ZNF607: variants seen among roughly 807,000 people sequenced by gnomAD.
The protein encoded by ZNF607 is zinc finger protein 607.
Under a neutral mutation model 12.8 loss-of-function variants are expected in ZNF607, and 5 were observed. The observed-to-expected ratio is 0.39, with a 90% CI of 0.20 to 0.82. The LOEUF (loss-of-function observed/expected upper bound fraction) is 0.82. Ranked by LOEUF, ZNF607 falls within the 40% of genes least tolerant of loss-of-function variation. ZNF607 has a pLI of 0.39. For synonymous variants in ZNF607, 287 were observed against 276.2 expected, an observed-to-expected ratio of 1.04 and a Z score of -0.39; for missense variants, 851 against 859.2, an observed-to-expected ratio of 0.99 and a Z score of 0.12.
chr19:37,702,973 A>G (rs1489532266), intron 4 of ZNF607, among the ~76,000 whole-genome samples: 4 of 150,792 alleles, frequency 2.7e-5, no homozygotes, highest in African/African-American at 9.7e-5. Flanking sequence ...TTTTTTTGAG[A>G]TGGAGTTTCG....
In ZNF607 at chr19:37,717,560, C is replaced by T. The variant is rs1359258729; in HGVS notation, c.-75+1709G>A. ...CCTGTAATCCCAACACTTTGGGAGG[C>T]CAAGGTGGGTGGATCACCTGAGGTT... On this transcript the variant is annotated intron_variant, in intron 1 of 4. Coordinates refer to ENST00000355202, the MANE Select transcript of ZNF607 (RefSeq NM_032689.5). Among the ~76,000 whole-genome samples, 12 of 150,840 alleles carry T rather than the reference C, an allele frequency of 8.0e-5. No homozygotes were observed. The East Asian group carries it at 9.9e-4, about 12-fold the overall frequency.
At position 37,698,348 on chromosome 19, in the gene ZNF607, C is replaced by T. The variant is rs780484385; in HGVS notation, c.1783G>A (p.Gly595Arg). ...TGTGAAGCATGACTAAAAGTTTCCC[C>T]ACATTCTTTACATTCATAGGACTTT... is the stretch of plus-strand genomic sequence containing the variant. ...GEKSYECKEC[G>R]ETFSHASHLI... is the part of the protein sequence containing the mutation. The change falls in exon 5 of 5, where the codon GGG becomes AGG. Residue 595 changes from glycine to arginine, a missense_variant. Coordinates refer to ENST00000355202, the MANE Select transcript of ZNF607 (RefSeq NM_032689.5). 6.2e-7 allele frequency: 1 copy of T among 1,613,948 alleles called. No individual in the cohort carries two copies. The highest frequency in any genetic ancestry group is 1.7e-5 in the Admixed American group (1 of 59,986).
chr19:37,708,564 T>A (rs1181736520), intron 3 of ZNF607, among the ~76,000 whole-genome samples: 1 of 150,890 alleles, frequency 6.6e-6, no homozygotes, highest in African/African-American at 2.4e-5. Flanking sequence ...AAACACATAC[T>A]CTAAAGCCTG....
chr19:37,714,678 G>A (rs2045161415), intron 1 of ZNF607, among the ~76,000 whole-genome samples: 1 of 151,932 alleles, frequency 6.6e-6, no homozygotes, highest in South Asian at 2.1e-4. Flanking sequence ...TGCCTTATGA[G>A]AGATGCTAAC....
Position 37,698,053 on chromosome 19 carries a change from C to T in ZNF607, c.2078G>A (p.Arg693Lys). The change falls in exon 5 of 5, where the codon AGA (arginine) becomes AAA (lysine). Residue 693 changes from arginine to lysine, a missense_variant. Physicochemically the swap from Arg to Lys is conservative, Grantham distance 26 (BLOSUM62 2). Coordinates refer to ENST00000355202, the MANE Select transcript of ZNF607 (RefSeq NM_032689.5). ...ACAATTTCTCTATCAAATATGAATT[C>T]TCTGATGTACTTCAAGGATGGATCT... Reference protein sequence around the residue: ...RLRSILEVHQRIHI With the variant: ...RLRSILEVHQKIHI The T allele has an allele frequency of 6.3e-7, 1 of 1,592,250 alleles. No homozygotes were observed. The highest frequency in any genetic ancestry group is 1.7e-4 in the Middle Eastern group (1 of 5,922).
chr19:37,718,752 C>A (rs967872959), intron 1 of ZNF607, among the ~76,000 whole-genome samples: 2 of 152,194 alleles, frequency 1.3e-5, no homozygotes, highest in Non-Finnish European at 2.9e-5. Flanking sequence ...CAGAAATAAT[C>A]CTGTTAGGTG....
intron 1 of ZNF607, among the ~76,000 whole-genome samples, chr19:37,713,914 A>C (rs1191032778): frequency 6.6e-6 from 1 of 152,220 alleles, no homozygotes; most frequent in Non-Finnish European, 1.5e-5. Context: ...TAAACATATT[A>C]TTCTCCGGAC....
chr19:37,699,933 A>C, intron 4 of ZNF607, 38 bp from the exon 5 acceptor site: 1 of 1,430,974 alleles, frequency 7.0e-7, no homozygotes, highest in Non-Finnish European at 9.3e-7. Flanking sequence ...ATTGGATGAG[A>C]AAATGTCAAT....
At chr19:37,715,914 C>A (rs1365379989) in intron 1 of ZNF607, among the ~76,000 whole-genome samples, 1 of 152,162 alleles carries the variant, frequency 6.6e-6, no homozygotes, top group South Asian at 2.1e-4. Flanking sequence ...TCTGCAGTAA[C>A]TTTGCATTTC....
chr19:37,708,935 T>G (rs1386281418), intron 3 of ZNF607, among the ~76,000 whole-genome samples: 1 of 151,844 alleles, frequency 6.6e-6, no homozygotes, highest in Non-Finnish European at 1.5e-5. Context: ...ACACTGCTGG[T>G]CAGTATTCTC....
intron 4 of ZNF607, among the ~76,000 whole-genome samples, chr19:37,704,764 T>C (rs2045066428): frequency 6.6e-6 from 1 of 152,200 alleles, no homozygotes; most frequent in Non-Finnish European, 1.5e-5. Flanking sequence ...GAGACCATCC[T>C]GGCTAACACG....
At position 37,698,300 on chromosome 19, in the gene ZNF607, G is replaced by A. The variant is rs1478368012; in HGVS notation, c.1831C>T (p.His611Tyr). Residue 611 changes from histidine (H) to tyrosine (Y), a missense_variant, in exon 5 of 5, where the codon CAT (histidine) becomes TAT (tyrosine). His to Tyr is a moderately conservative substitution (Grantham distance 83). Coordinates refer to ENST00000355202, the MANE Select transcript of ZNF607 (RefSeq NM_032689.5). ...ASHLIIHERI[H>Y]TSDKPYECKR... is the part of the protein sequence containing the mutation. ...CATTCATAGGGTTTATCACTGGTAT[G>A]AATTCTCTCATGAATAATAAGATGT... The A allele has an allele frequency of 3.1e-6, 5 of 1,614,012 alleles. No individual in the cohort carries two copies. Among genetic ancestry groups the A allele is most frequent in the Non-Finnish European group, 4.2e-6 (5 of 1,180,014 alleles).
chr19:37,705,852 C>T (rs2045078614), intron 4 of ZNF607, among the ~76,000 whole-genome samples: 1 of 152,046 alleles, frequency 6.6e-6, no homozygotes, highest in Non-Finnish European at 1.5e-5. Flanking sequence ...CTCTCTCTTT[C>T]TCTCTCTTTT....
At position 37,696,590 on chromosome 19, in the gene ZNF607, C is replaced by T; in HGVS notation, c.*1450G>A. The T allele has an allele frequency of 1.8e-6, 1 of 552,406 alleles. No individual in the cohort carries two copies. The highest frequency in any genetic ancestry group is 3.3e-6 in the Non-Finnish European group (1 of 302,602). 34.2% of individuals were successfully genotyped at this position (552,406 alleles called of 1,614,324 possible). A position where few individuals can be genotyped will look rare whatever the true frequency, so the allele number is the denominator to read the frequency against. Reference sequence around the variant, plus strand: ...ATCATCGGGGCTGTGGCCCAGTTGCCTCACGGAGGTGCAGGTAGGCTGGGG... The same window carrying T: ...ATCATCGGGGCTGTGGCCCAGTTGCTTCACGGAGGTGCAGGTAGGCTGGGG... On this transcript the variant is annotated 3_prime_UTR_variant, in exon 5 of 5. Transcript: ENST00000355202.
rs183521899 is a variant in ZNF607, at chr19:37,709,760, G to A, written c.72C>T (p.Ser24=). 6.2e-7 allele frequency: 1 copy of A among 1,614,100 alleles called. No individual in the cohort carries two copies. The highest frequency in any genetic ancestry group is 2.2e-5 in the East Asian group (1 of 44,884). The change falls in exon 3 of 5, where the codon AGC becomes AGT. Residue 24 remains serine, a synonymous_variant. Transcript: ENST00000355202. ...DFSHQEWEYL[S]LVQKTLYQEV... is the part of the protein sequence containing the mutation. ...CCTGGTACAAGGTCTTCTGAACCAG[G>A]CTGAGATATTCCCACTCCTGATGAG...
chr19:37,706,769 C>T (rs1441390974), intron 4 of ZNF607, among the ~76,000 whole-genome samples: 1 of 152,162 alleles, frequency 6.6e-6, no homozygotes, highest in Non-Finnish European at 1.5e-5. Context: ...CAGCTCACTG[C>T]AACCTCTACT....
chr19:37,705,093 A>G (rs1219209729), intron 4 of ZNF607, among the ~76,000 whole-genome samples: 2 of 152,138 alleles, frequency 1.3e-5, no homozygotes, highest in Non-Finnish European at 2.9e-5. Context: ...CTGAAAATCA[A>G]TAGAGAAAAA....
chr19:37,712,076 C>CT (rs1568407303), intron 1 of ZNF607, among the ~76,000 whole-genome samples: 1 of 152,164 alleles, frequency 6.6e-6, no homozygotes, highest in African/African-American at 2.4e-5. Flanking sequence ...ACCAGAACCT[C>CT]TTTTTAGTCT....
intron 4 of ZNF607, among the ~76,000 whole-genome samples, chr19:37,700,292 G>A (rs1231356809): frequency 6.6e-6 from 1 of 152,150 alleles, no homozygotes; most frequent in Non-Finnish European, 1.5e-5. Context: ...AAGAATACAG[G>A]CAAGTATCGA....
Sources: gnomAD v4.1 joint callset for allele counts (sites outside exome capture counted in the v4.1 genomes callset) on GRCh38, gnomAD v4.1.1 for gene constraint, MANE v1.5 for transcripts, NCBI Gene and HGNC (gene_info 2026-07-23, HGNC 2026-07-21) for gene names.